Variants in GLIS3 observed in about 807,000 individuals in gnomAD.
GLIS3 encodes zinc finger protein GLIS3.
Under a neutral mutation model 78.6 loss-of-function variants are expected in GLIS3, and 53 were observed. The ratio of observed to expected loss-of-function variants is 0.67; its 90% confidence interval spans 0.54 to 0.85. The LOEUF (loss-of-function observed/expected upper bound fraction) is 0.85. Among genes scored for constraint, GLIS3 ranks in the 40% least tolerant of loss-of-function variants. The pLI is 0.00. For synonymous variants in GLIS3, 684 were observed against 509.9 expected, an observed-to-expected ratio of 1.34 and a Z score of -4.60; for missense variants, 1,703 against 1,231.1, an observed-to-expected ratio of 1.38 and a Z score of -5.74.
At chr9:3,880,141 A>G (rs371993768) in intron 7 of GLIS3, among the ~76,000 whole-genome samples, 27 of 152,254 alleles carry the variant, frequency 1.8e-4, no homozygotes, top group African/African-American at 6.5e-4. Context: ...TTAACTTTAG[A>G]GTCTAACTAA....
intron 2 of GLIS3, among the ~76,000 whole-genome samples, chr9:4,135,852 ACTC>A (rs1833368006): frequency 6.6e-6 from 1 of 152,014 alleles, no homozygotes; most frequent in African/African-American, 2.4e-5. Flanking sequence ...TTTCATGAAT[ACTC>A]CTCCTTAGAG....
At chr9:4,136,678 G>A (rs1586774764) in intron 2 of GLIS3, among the ~76,000 whole-genome samples, 1 of 152,076 alleles carries the variant, frequency 6.6e-6, no homozygotes, top group Non-Finnish European at 1.5e-5. Context: ...GAAGTAGTAG[G>A]GTGTAGACAC....
At chr9:4,170,979 C>A (rs7865812) in intron 2 of GLIS3, among the ~76,000 whole-genome samples, 68,505 of 152,004 alleles carry the variant, frequency 0.45, 16,400 homozygotes, top group East Asian at 0.67. Flanking sequence ...AGAACTGTGT[C>A]ATGGTAGCAC....
At chr9:4,273,154 GA>G (rs753477511) in intron 2 of GLIS3, among the ~76,000 whole-genome samples, 1 of 152,170 alleles carries the variant, frequency 6.6e-6, no homozygotes, top group Non-Finnish European at 1.5e-5. Flanking sequence ...TATTTCAAAA[GA>G]CAAGTCTCAA....
chr9:4,316,591 C>CA (rs1275691093), intron 2 of GLIS3, among the ~76,000 whole-genome samples: 1 of 152,108 alleles, frequency 6.6e-6, no homozygotes, highest in African/African-American at 2.4e-5. Flanking sequence ...ACCCATACCC[C>CA]AAAGTGTGCA....
chr9:4,414,312 C>T, the GLIS3 span, among the ~76,000 whole-genome samples: 3 of 152,052 alleles, frequency 2.0e-5, no homozygotes, highest in African/African-American at 7.2e-5. Flanking sequence ...CATGTATGGC[C>T]CAGAGGCATT....
At chr9:4,165,384 T>C (rs1021681237) in intron 2 of GLIS3, among the ~76,000 whole-genome samples, 4 of 152,188 alleles carry the variant, frequency 2.6e-5, no homozygotes, top group African/African-American at 4.8e-5. Context: ...GAGGTTGCAG[T>C]GAGCCGAGAC....
At chr9:4,240,724 A>C (rs1310279999) in intron 2 of GLIS3, among the ~76,000 whole-genome samples, 1 of 152,220 alleles carries the variant, frequency 6.6e-6, no homozygotes, top group Non-Finnish European at 1.5e-5. Flanking sequence ...ATCAAATCAC[A>C]GTAAAACCAA....
At chr9:3,978,798 A>G (rs555663490) in intron 4 of GLIS3, among the ~76,000 whole-genome samples, 279 of 152,338 alleles carry the variant, frequency 1.8e-3, no homozygotes, top group African/African-American at 6.4e-3. Flanking sequence ...ATTTTTAAAA[A>G]AGATTTCATA....
intron 2 of GLIS3, among the ~76,000 whole-genome samples, chr9:4,270,970 C>A (rs891810894): frequency 6.6e-6 from 1 of 150,796 alleles, no homozygotes; most frequent in Non-Finnish European, 1.5e-5. Flanking sequence ...CAGGTTTGAA[C>A]TGCACAGATT....
intron 2 of GLIS3, among the ~76,000 whole-genome samples, chr9:4,187,498 T>C (rs1397599207): frequency 2.6e-5 from 4 of 152,174 alleles, no homozygotes; most frequent in East Asian, 3.9e-4. Context: ...TGGTTCCATA[T>C]GAACTTTAAA....
rs184999822 is a variant in GLIS3, at chr9:4,179,387, C to A, written c.389-53446G>T. Among the ~76,000 whole-genome samples, 34 of 152,244 alleles carry A rather than the reference C, an allele frequency of 2.2e-4. No individual in the cohort carries two copies. In the East Asian group the frequency reaches 6.4e-3, roughly 28 times the overall value. ...ATTACAAAACATGTGCGAGTAATCC[C>A]CAGCTTTCAAAGGTCTTCTAAGATT... On this transcript the variant is annotated intron_variant, in intron 2 of 10. Coordinates refer to ENST00000381971, the MANE Select transcript of GLIS3 (RefSeq NM_001042413.2).
the GLIS3 span, among the ~76,000 whole-genome samples, chr9:4,409,450 A>G: frequency 6.6e-6 from 1 of 152,324 alleles, no homozygotes; most frequent in African/African-American, 2.4e-5. Flanking sequence ...ATCTCCAAAC[A>G]TCACCTTACT....
At chr9:4,172,101 G>C (rs186304900) in intron 2 of GLIS3, among the ~76,000 whole-genome samples, 9 of 152,208 alleles carry the variant, frequency 5.9e-5, no homozygotes, top group Admixed American at 3.3e-4. Context: ...GAGAAATGAA[G>C]TTTAGCTCTG....
At chr9:3,901,597 T>A (rs1823309840) in intron 6 of GLIS3, among the ~76,000 whole-genome samples, 1 of 152,154 alleles carries the variant, frequency 6.6e-6, no homozygotes, top group Non-Finnish European at 1.5e-5. Flanking sequence ...AGAGAAGTAT[T>A]TCTTGGGTCT....
chr9:3,957,804 T>C (rs938468627), intron 4 of GLIS3, among the ~76,000 whole-genome samples: 3 of 152,208 alleles, frequency 2.0e-5, no homozygotes, highest in African/African-American at 7.2e-5. Flanking sequence ...TAAGCATTTA[T>C]ATCATCTGCT....
At position 4,286,484 on chromosome 9, in the gene GLIS3, G is replaced by A. The variant is rs1035348327; in HGVS notation, c.-59C>T. 2.3e-5 allele frequency: 37 copies of A among 1,597,652 alleles called. No individual in the cohort carries two copies. The highest frequency in any genetic ancestry group is 2.9e-5 in the Non-Finnish European group (34 of 1,170,688). On this transcript the variant is annotated 5_prime_UTR_variant, in exon 2 of 11. Transcript: ENST00000381971. ...CCAATGTCACTAATGACTCCTTTCA[G>A]GCAAAGTCCAATAAGTTATCCATGG...
At chr9:4,010,613 C>A (rs1176531767) in intron 4 of GLIS3, among the ~76,000 whole-genome samples, 1 of 152,190 alleles carries the variant, frequency 6.6e-6, no homozygotes, top group African/African-American at 2.4e-5. Flanking sequence ...AGCTTCCAGA[C>A]TTTCCCGTGA....
chr9:4,072,079 A>T (rs1444883718), intron 4 of GLIS3, among the ~76,000 whole-genome samples: 1 of 152,214 alleles, frequency 6.6e-6, no homozygotes, highest in Non-Finnish European at 1.5e-5. Flanking sequence ...AAAGAAGTCC[A>T]GGCAAAGCTG....
Sources: allele counts gnomAD v4.1 joint callset (sites outside exome capture counted in the v4.1 genomes callset), GRCh38; gene constraint gnomAD v4.1.1; transcripts MANE v1.5; gene names NCBI Gene and HGNC (gene_info 2026-07-23, HGNC 2026-07-21).